Variants in AGER observed in about 807,000 individuals in gnomAD.
AGER encodes advanced glycosylation end-product specific receptor.
In AGER, 46 loss-of-function variants were observed where a neutral mutation model predicts 48.8. The ratio of observed to expected loss-of-function variants is 0.94; its 90% CI spans 0.74 to 1.20. The LOEUF is 1.20. Ranked by LOEUF, AGER falls within the 50% of genes most tolerant of loss-of-function variation. The pLI, the probability that AGER is intolerant of heterozygous loss-of-function variation, is 0.00. For missense variants in AGER, 489 were observed against 515.0 expected, an observed-to-expected ratio of 0.95 and a Z score of 0.49; for synonymous variants, 170 against 199.9, an observed-to-expected ratio of 0.85 and a Z score of 1.26.
At chr6:32,183,260 ACC>A (rs1017488960) in intron 4 of AGER, 59 bp from the exon 5 acceptor site, 1 of 1,612,472 alleles carries the variant, frequency 6.2e-7, no homozygotes, top group Non-Finnish European at 8.5e-7. Context: ...ACACACCCAC[ACC>A]CACACACACT....
rs1236065547 is a variant in AGER, at chr6:32,184,061, G to GAA, written c.53-75_53-74insTT. 1.9e-6 allele frequency: 3 copies of GAA among 1,609,142 alleles called. No homozygotes were observed. The African/African-American group carries it at 4.0e-5, about 21-fold the overall frequency. On this transcript the variant is annotated intron_variant, in intron 1 of 10. Transcript: ENST00000375076. ...CAAAATTTGGACAGGGTGGGTGAGG[G>GAA]ACCTTGAAAGGCACTTCCTCGGGTT...
In AGER at chr6:32,184,162, G is replaced by A. The variant is rs1259932834; in HGVS notation, c.52+9C>T. Reference sequence around the variant, plus strand: ...AGGGAGGGTCAGTGGGGTTGAGGGAGTGGCTCACCCCACAGACTGAGGACC... The same window carrying A: ...AGGGAGGGTCAGTGGGGTTGAGGGAATGGCTCACCCCACAGACTGAGGACC... On this transcript the variant is annotated intron_variant, in intron 1 of 10. Coordinates refer to ENST00000375076, the MANE Select transcript of AGER (RefSeq NM_001136.5). 1.2e-6 allele frequency: 2 copies of A among 1,610,764 alleles called. No individual in the cohort carries two copies. The highest frequency in any genetic ancestry group is 3.3e-5 in the Admixed American group (2 of 59,892).
Position 32,181,881 on chromosome 6 carries a change from G to T in AGER, c.965-249C>A, listed in dbSNP as rs540836997. On this transcript the variant is annotated intron_variant, in intron 8 of 10. Coordinates refer to ENST00000375076, the MANE Select transcript of AGER (RefSeq NM_001136.5). The surrounding 1 kb of genome is among the most constrained non-coding windows in gnomAD (Gnocchi z 4.1). Reference sequence around the variant, plus strand: ...CCCAGGTAGCTGGGATTACAGGCATGTGCCACCATGCCTGGCTAATTTTGT... The same window carrying T: ...CCCAGGTAGCTGGGATTACAGGCATTTGCCACCATGCCTGGCTAATTTTGT... 6.6e-6 allele frequency among the ~76,000 whole-genome samples: 1 copy of T among 152,302 alleles called. No homozygotes were observed. The highest frequency in any genetic ancestry group is 6.5e-5 in the Admixed American group (1 of 15,302).
chr6:32,181,226 T>A lies in AGER; in HGVS notation c.1132A>T (p.Asn378Tyr), dbSNP rs1786133312. Residue 378 changes from asparagine (N) to tyrosine (Y), a missense_variant, in exon 11 of 11, where the codon AAC becomes TAC. Transcript: ENST00000375076. This position sits in a 1 kb window ranked among gnomAD's most constrained non-coding sequence, Gnocchi z 4.1. ...GCACGCTCCTCCTCTTCCTCCTGGT[T>A]TTCTGGGGCCTTCCTGAGGAGAAAG... ...RRGEERKAPE[N>Y]QEEEEERAEL... The A allele has an allele frequency of 6.2e-7, 1 of 1,614,206 alleles. No individual in the cohort carries two copies. The highest frequency in any genetic ancestry group is 1.1e-5 in the South Asian group (1 of 91,084).
rs1438504902 is a variant in AGER, at chr6:32,182,239, G to T, written c.964+8C>A. On this transcript the variant is annotated splice_region_variant and intron_variant, in intron 8 of 10. Coordinates refer to ENST00000375076, the MANE Select transcript of AGER (RefSeq NM_001136.5). The surrounding 1 kb of genome is among the most constrained non-coding windows in gnomAD (Gnocchi z 5.1). ...CCAGGGTCTGTAGGGCTTGGGGAGA[G>T]GTCTCACCGATGATGCTGATGCTGA... 1 of 1,612,762 alleles carries T rather than the reference G, an allele frequency of 6.2e-7. No homozygotes were observed. Among genetic ancestry groups the T allele is most frequent in the East Asian group, 2.2e-5 (1 of 44,868 alleles).
chr6:32,182,282 G>T lies in AGER; in HGVS notation c.929C>A (p.Pro310His). The T allele has an allele frequency of 1.2e-6, 2 of 1,612,876 alleles. No homozygotes were observed. The highest frequency in any genetic ancestry group is 2.2e-5 in the East Asian group (1 of 44,874). ...SCVATHSSHGPQESRAVSISI... is the reference protein window; with the variant it reads ...SCVATHSSHGHQESRAVSISI... ...GATGCTGACAGCACGGCTTTCCTGG[G>T]GCCCGTGGCTGGAATGGGTGGCCAC... The change falls in exon 8 of 11, where the codon CCC becomes CAC. Residue 310 changes from proline (P) to histidine (H), a missense_variant. Transcript: ENST00000375076. This position sits in a 1 kb window ranked among gnomAD's most constrained non-coding sequence, Gnocchi z 5.1.
chr6:32,182,476 C>G lies in AGER; in HGVS notation c.823-88G>C. 6 of 1,589,520 alleles carry G rather than the reference C, an allele frequency of 3.8e-6. No homozygotes were observed. Among genetic ancestry groups the G allele is most frequent in the East Asian group, 2.2e-5 (1 of 44,566 alleles). On this transcript the variant is annotated intron_variant, in intron 7 of 10. Transcript: ENST00000375076. The surrounding 1 kb of genome is among the most constrained non-coding windows in gnomAD (Gnocchi z 5.1). ...AGATACCCTCTCTTCCTCCTCAGCT[C>G]CTAGCCTGCCTTTCCCTCGTTAGCC...
In AGER at chr6:32,181,039, G is replaced by GTTATACAGGAGAGAGA. The variant is rs1786082164; in HGVS notation, c.*88_*103dup. ...GTAGAAGAAAGCTTGGCAAGGTGGG[G>GTTATACAGGAGAGAGA]TTATACAGGAGAGAGATTATACAGG... is the stretch of plus-strand genomic sequence containing the variant. On this transcript the variant is annotated 3_prime_UTR_variant, in exon 11 of 11. Coordinates refer to ENST00000375076, the MANE Select transcript of AGER (RefSeq NM_001136.5). This position sits in a 1 kb window ranked among gnomAD's most constrained non-coding sequence, Gnocchi z 4.1. 3.3e-6 allele frequency: 4 copies of GTTATACAGGAGAGAGA among 1,210,462 alleles called. No homozygotes were observed. Among genetic ancestry groups the GTTATACAGGAGAGAGA allele is most frequent in the Non-Finnish European group, 4.8e-6 (4 of 832,686 alleles). 75.0% of individuals were successfully genotyped at this position (1,210,462 alleles called of 1,614,324 possible). A position where few individuals can be genotyped will look rare whatever the true frequency, so the allele number is the denominator to read the frequency against.
chr6:32,183,504 G>C, intron 3 of AGER, 51 bp downstream of exon 3: 2 of 1,612,014 alleles, frequency 1.2e-6, no homozygotes, highest in South Asian at 2.2e-5. Flanking sequence ...GGGGTTGAAG[G>C]CTTTTTCTTA....
At chr6:32,183,802 T>C in intron 2 of AGER, 52 bp from the exon 3 acceptor site, 1 of 1,611,568 alleles carries the variant, frequency 6.2e-7, no homozygotes, top group Non-Finnish European at 8.5e-7. Flanking sequence ...GGGAAAGGAC[T>C]GTGAGGCAGA....
At position 32,181,468 on chromosome 6, in the gene AGER, C is replaced by T; in HGVS notation, c.1001G>A (p.Gly334Glu). The T allele has an allele frequency of 6.2e-7, 1 of 1,613,306 alleles. No individual in the cohort carries two copies. The highest frequency in any genetic ancestry group is 8.5e-7 in the Non-Finnish European group (1 of 1,180,032). ...GGCTAGAGTTCCCAGCCCTGATCCT[C>T]CCACAGAGCCTGTACGGAGACAGGG... ...GEEGPTAGSV[G>E]GSGLGTLALA... The change falls in exon 10 of 11, where the codon GGA becomes GAA. Residue 334 changes from glycine (G) to glutamate (E), a missense_variant. Transcript: ENST00000375076. This position sits in a 1 kb window ranked among gnomAD's most constrained non-coding sequence, Gnocchi z 4.1.
rs755430971 is a variant in AGER, at chr6:32,182,842, CCA to C, written c.688_689del (p.Trp230GlyfsTer30). ...LRTAPIQPRV[W>X]EPVPLEEVQL... ...GGGGCCCTCCCCACCTATGCTCACCCCAGACACGGGGCTGGATGGGGGCTGTG... is the reference window on the plus strand; with the variant it reads ...GGGGCCCTCCCCACCTATGCTCACCCGACACGGGGCTGGATGGGGGCTGTG... On this transcript the variant is annotated frameshift_variant and splice_region_variant, in exon 6 of 11. Coordinates refer to ENST00000375076, the MANE Select transcript of AGER (RefSeq NM_001136.5). LOFTEE classifies it high-confidence loss of function. This position sits in a 1 kb window ranked among gnomAD's most constrained non-coding sequence, Gnocchi z 5.1. 17 of 1,612,054 alleles carry C rather than the reference CCA, an allele frequency of 1.1e-5. 1 individual carries two copies. The highest frequency in any genetic ancestry group is 1.1e-5 in the Non-Finnish European group (13 of 1,179,738).
rs757177565 is a variant in AGER at position 32,181,655 on chromosome 6, G to C, written c.965-23C>G. ...GTTCTGGAAGACAAAGTTGGATCCAGTCAGAAAGGAAGACTTCGGGTTGAG... is the reference window on the plus strand; with the variant it reads ...GTTCTGGAAGACAAAGTTGGATCCACTCAGAAAGGAAGACTTCGGGTTGAG... On this transcript the variant is annotated intron_variant, in intron 8 of 10. Transcript: ENST00000375076. The surrounding 1 kb of genome is among the most constrained non-coding windows in gnomAD (Gnocchi z 4.1). The C allele has an allele frequency of 3.1e-6, 5 of 1,612,220 alleles. No homozygotes were observed. The highest frequency in any genetic ancestry group is 3.4e-6 in the Non-Finnish European group (4 of 1,179,466).
Position 32,183,878 on chromosome 6 carries a change from T to A in AGER, c.159+3A>T. ...GGGAGGCTGCAACAGGAGCCCCGCTTACCAGTTTCCATTCCAGCCGCTGGG... is the reference window on the plus strand; with the variant it reads ...GGGAGGCTGCAACAGGAGCCCCGCTAACCAGTTTCCATTCCAGCCGCTGGG... On this transcript the variant is annotated splice_donor_region_variant and intron_variant, in intron 2 of 10. Coordinates refer to ENST00000375076, the MANE Select transcript of AGER (RefSeq NM_001136.5). 1 of 1,613,042 alleles carries A rather than the reference T, an allele frequency of 6.2e-7. No homozygotes were observed.
intron 3 of AGER, 35 bp downstream of exon 3, chr6:32,183,520 G>C: frequency 2.5e-6 from 4 of 1,612,898 alleles, no homozygotes; most frequent in Non-Finnish European, 3.4e-6. Flanking sequence ...TCTTAGGTAA[G>C]AGGGAGGCCT....
chr6:32,182,915 A>G lies in AGER; in HGVS notation c.617T>C (p.Phe206Ser), dbSNP rs373910069. 54 of 1,611,974 alleles carry G rather than the reference A, an allele frequency of 3.3e-5. No individual in the cohort carries two copies. The highest frequency in any genetic ancestry group is 4.4e-5 in the Non-Finnish European group (52 of 1,179,510). Residue 206 changes from phenylalanine (F) to serine (S), a missense_variant, in exon 6 of 11, where the codon TTC (phenylalanine) becomes TCC (serine). Phe to Ser is a radical substitution (Grantham distance 155, BLOSUM62 -2). Transcript: ENST00000375076. This position sits in a 1 kb window ranked among gnomAD's most constrained non-coding sequence, Gnocchi z 5.1. ...AAGGCCTGGGCTGAAGCTACAGGAG[A>G]AGGTGGGACGGGGATCTCCTCCCCG... ...PARGGDPRPTFSCSFSPGLPR... is the reference protein window; with the variant it reads ...PARGGDPRPTSSCSFSPGLPR...
At position 32,183,195 on chromosome 6, in the gene AGER, T is replaced by C. The variant is rs1462448081; in HGVS notation, c.427A>G (p.Thr143Ala). 1.9e-6 allele frequency: 3 copies of C among 1,612,986 alleles called. No individual in the cohort carries two copies. Among genetic ancestry groups the C allele is most frequent in the East Asian group, 4.5e-5 (2 of 44,882 alleles). ...GGGTAGCTTCCCTCTGACACACATG[T>C]CCCCACCTGGGGAAAGAGTGGTGAC... Reference protein sequence around the residue: ...LTAGVPNKVGTCVSEGSYPAG... With the variant: ...LTAGVPNKVGACVSEGSYPAG... Residue 143 changes from threonine to alanine, a missense_variant, in exon 5 of 11, where the codon ACA becomes GCA. By Grantham distance (58) the Thr-to-Ala change is moderately conservative. Transcript: ENST00000375076.
rs1458935032 is a variant in AGER, at chr6:32,181,514, C to T, written c.992-37G>A. ...CAGGGAAAATTGAGAGCACAGCCACCACCACTCACCATTCCTTTCTTGTTG... is the reference window on the plus strand; with the variant it reads ...CAGGGAAAATTGAGAGCACAGCCACTACCACTCACCATTCCTTTCTTGTTG... On this transcript the variant is annotated intron_variant, in intron 9 of 10. Transcript: ENST00000375076. The surrounding 1 kb of genome is among the most constrained non-coding windows in gnomAD (Gnocchi z 4.1). The T allele has an allele frequency of 1.2e-6, 2 of 1,613,156 alleles. No homozygotes were observed. Among genetic ancestry groups the T allele is most frequent in the South Asian group, 1.1e-5 (1 of 91,086 alleles).
At position 32,182,674 on chromosome 6, in the gene AGER, T is replaced by G. The variant is rs1349644380; in HGVS notation, c.716A>C (p.Gln239Pro). 6.2e-7 allele frequency: 1 copy of G among 1,613,060 alleles called. No homozygotes were observed. The highest frequency in any genetic ancestry group is 8.5e-7 in the Non-Finnish European group (1 of 1,180,028). ...TCCACCTTCTGGCTCCACCACCAAT[T>G]GGACCTCCTCCAGAGGCACAGGCTC... ...VWEPVPLEEV[Q>P]LVVEPEGGAV... The change falls in exon 7 of 11, where the codon CAA becomes CCA. Residue 239 changes from glutamine to proline, a missense_variant. Coordinates refer to ENST00000375076, the MANE Select transcript of AGER (RefSeq NM_001136.5). The surrounding 1 kb of genome is among the most constrained non-coding windows in gnomAD (Gnocchi z 5.1).
Sources: allele counts gnomAD v4.1 joint callset (sites outside exome capture counted in the v4.1 genomes callset), GRCh38; gene constraint gnomAD v4.1.1; non-coding constraint Gnocchi (gnomAD v3.1); transcripts MANE v1.5; gene names NCBI Gene and HGNC (gene_info 2026-07-23, HGNC 2026-07-21).